Variants in CNTNAP2 observed in about 807,000 individuals in gnomAD.
CNTNAP2 encodes contactin-associated protein-like 2.
Under a neutral mutation model 155.2 loss-of-function variants are expected in CNTNAP2, and 98 were observed. The ratio of observed to expected loss-of-function variants is 0.63; its 90% CI spans 0.54 to 0.75. CNTNAP2 has a LOEUF of 0.75. Among genes scored for constraint, CNTNAP2 ranks in the 30% least tolerant of loss-of-function variants. CNTNAP2 has a pLI of 0.00. For missense variants in CNTNAP2, 1,727 were observed against 1,688.1 expected (o/e 1.02, Z -0.40); for synonymous variants, 651 against 631.2 (o/e 1.03, Z -0.47).
chr7:147,693,836 T>C (rs1796124409), intron 13 of CNTNAP2, among the ~76,000 whole-genome samples: 1 of 152,066 alleles, frequency 6.6e-6, no homozygotes, highest in Admixed American at 6.6e-5. Context: ...CCTTTTCTTT[T>C]ATTTTCTTGT....
At chr7:148,172,568 T>C (rs1166515623) in intron 18 of CNTNAP2, 90 bp downstream of exon 18, 3 of 1,163,452 alleles carry the variant, frequency 2.6e-6, no homozygotes, top group Non-Finnish European at 3.9e-6. Context: ...TAAACAAGTG[T>C]ACCTTATTCT....
intron 3 of CNTNAP2, among the ~76,000 whole-genome samples, chr7:146,845,745 T>C (rs1047637774): frequency 2.4e-4 from 36 of 152,204 alleles, no homozygotes; most frequent in African/African-American, 6.8e-4. Flanking sequence ...GTCATAATTT[T>C]CGATTAACAC....
chr7:146,236,483 G>A (rs987780341), intron 1 of CNTNAP2, among the ~76,000 whole-genome samples: 1 of 152,128 alleles, frequency 6.6e-6, no homozygotes, highest in African/African-American at 2.4e-5. Flanking sequence ...AAAGAGGAAT[G>A]CTACACAGTC....
intron 13 of CNTNAP2, among the ~76,000 whole-genome samples, chr7:147,743,922 G>A (rs767531999): frequency 1.3e-4 from 20 of 152,016 alleles, no homozygotes; most frequent in African/African-American, 1.9e-4. Context: ...TTCTAGTTTC[G>A]AAACCCACCT....
At chr7:147,679,592 A>G (rs951771444) in intron 13 of CNTNAP2, among the ~76,000 whole-genome samples, 1 of 151,826 alleles carries the variant, frequency 6.6e-6, no homozygotes, top group African/African-American at 2.4e-5. Context: ...GTTGGACTTG[A>G]CTTGGTTTTT....
intron 11 of CNTNAP2, among the ~76,000 whole-genome samples, chr7:147,551,989 C>T (rs1799862272): frequency 6.6e-6 from 1 of 152,046 alleles, no homozygotes; most frequent in African/African-American, 2.4e-5. Flanking sequence ...CAAAGTAAAA[C>T]TTGAATATCC....
chr7:146,126,386 TAAAG>T (rs1213048449), intron 1 of CNTNAP2, among the ~76,000 whole-genome samples: 3 of 152,228 alleles, frequency 2.0e-5, no homozygotes, highest in Non-Finnish European at 2.9e-5. Flanking sequence ...ATATTTGAAA[TAAAG>T]AGAGGAATGC....
At chr7:147,141,514 A>G (rs1801597203) in intron 8 of CNTNAP2, among the ~76,000 whole-genome samples, 2 of 152,056 alleles carry the variant, frequency 1.3e-5, no homozygotes, top group South Asian at 2.1e-4. Flanking sequence ...GAACAACTCC[A>G]CAAGATGAAG....
At position 146,983,657 on chromosome 7, in the gene CNTNAP2, G is replaced by A. The variant is rs915440261; in HGVS notation, c.403-60250G>A. 4.6e-5 allele frequency among the ~76,000 whole-genome samples: 7 copies of A among 152,232 alleles called. 1 individual carries two copies. Among genetic ancestry groups the A allele is most frequent in the Admixed American group, 1.3e-4 (2 of 15,298 alleles). The stretch of plus-strand genomic sequence containing the variant: ...CATAGTAAGCATGAGGGCTTCCATT[G>A]TTTTTCCATTTGGCGAGTTGAAAAA... On this transcript the variant is annotated intron_variant, in intron 3 of 23. Transcript: ENST00000361727.
At chr7:148,009,251 T>C (rs1802030445) in intron 15 of CNTNAP2, among the ~76,000 whole-genome samples, 1 of 152,202 alleles carries the variant, frequency 6.6e-6, no homozygotes, top group Admixed American at 6.5e-5. Context: ...GCCTATTTTG[T>C]AATAAAATAT....
At chr7:146,506,586 T>C (rs531306499) in intron 1 of CNTNAP2, among the ~76,000 whole-genome samples, 1 of 152,302 alleles carries the variant, frequency 6.6e-6, no homozygotes, top group African/African-American at 2.4e-5. Context: ...AGTTACAACC[T>C]TTCGATGGCC....
intron 1 of CNTNAP2, among the ~76,000 whole-genome samples, chr7:146,764,316 CTG>C (rs1231091391): frequency 2.6e-5 from 4 of 152,130 alleles, no homozygotes; most frequent in African/African-American, 4.8e-5. Context: ...ACTGTCACCA[CTG>C]TGTTAGAGAT....
At chr7:148,345,972 C>G (rs1798319722) in intron 21 of CNTNAP2, among the ~76,000 whole-genome samples, 1 of 151,998 alleles carries the variant, frequency 6.6e-6, no homozygotes, top group Non-Finnish European at 1.5e-5. Context: ...TTAAGTAATT[C>G]CCTCCCATCC....
intron 1 of CNTNAP2, among the ~76,000 whole-genome samples, chr7:146,340,526 A>G (rs1176573171): frequency 6.6e-6 from 1 of 152,112 alleles, no homozygotes; most frequent in Non-Finnish European, 1.5e-5. Flanking sequence ...TAGTATAAAT[A>G]TGTACCAAGT....
At chr7:148,054,612 G>A (rs141153816) in intron 15 of CNTNAP2, among the ~76,000 whole-genome samples, 5 of 151,956 alleles carry the variant, frequency 3.3e-5, no homozygotes, top group South Asian at 2.1e-4. Context: ...CTACAACTTC[G>A]CCAGAGTGCA....
At position 147,981,819 on chromosome 7, in the gene CNTNAP2, T is replaced by G. The variant is rs1164977685; in HGVS notation, c.2383+3830T>G. ...TGTGTGTGTGTGTGTGTGTGTGTGG[T>G]TTTTTTTTTCTTTCATTCTTTCTTT... On this transcript the variant is annotated intron_variant, in intron 15 of 23. Coordinates refer to ENST00000361727, the MANE Select transcript of CNTNAP2 (RefSeq NM_014141.6). Among the ~76,000 whole-genome samples the G allele has an allele frequency of 3.3e-3, 377 of 113,730 alleles. 4 individuals are homozygous for G. Among genetic ancestry groups the G allele is most frequent in the Middle Eastern group, 0.015 (3 of 194 alleles). 74.6% of individuals were successfully genotyped at this position (113,730 alleles called of 152,430 possible). A position where few individuals can be genotyped will look rare whatever the true frequency, so the allele number is the denominator to read the frequency against.
At chr7:147,141,549 A>T (rs971424087) in intron 8 of CNTNAP2, among the ~76,000 whole-genome samples, 2 of 152,112 alleles carry the variant, frequency 1.3e-5, no homozygotes. Context: ...CATTTCATAG[A>T]TTAAAAAAAA....
At chr7:146,383,058 G>T (rs1488801637) in intron 1 of CNTNAP2, among the ~76,000 whole-genome samples, 1 of 152,018 alleles carries the variant, frequency 6.6e-6, no homozygotes, top group African/African-American at 2.4e-5. Flanking sequence ...GGCATAGCTG[G>T]CATTTTCATT....
intron 1 of CNTNAP2, among the ~76,000 whole-genome samples, chr7:146,500,712 T>A (rs1797288355): frequency 6.6e-6 from 1 of 152,206 alleles, no homozygotes; most frequent in Non-Finnish European, 1.5e-5. Flanking sequence ...TACCTTTGAT[T>A]TAATTTTCTA....
Sources: allele counts gnomAD v4.1 joint callset (sites outside exome capture counted in the v4.1 genomes callset), GRCh38; gene constraint gnomAD v4.1.1; transcripts MANE v1.5; gene names NCBI Gene and HGNC (gene_info 2026-07-23, HGNC 2026-07-21).